Variants in SPAG16 observed in about 807,000 individuals in gnomAD.
SPAG16 encodes the protein sperm associated antigen 16.
SPAG16 carries 86 observed loss-of-function variants against 80.4 expected under a neutral mutation model. The observed-to-expected ratio is 1.07, with a 90% CI of 0.90 to 1.28. SPAG16 has a LOEUF of 1.28. SPAG16 is among the 50% of genes most tolerant of loss of function. The probability of loss-of-function intolerance (pLI) is 0.00; values close to 1 mark genes in which losing one functional copy is unlikely to be tolerated. For synonymous variants in SPAG16, 294 were observed against 265.9 expected, an observed-to-expected ratio of 1.11 and a Z score of -1.03; for missense variants, 870 against 765.3, an observed-to-expected ratio of 1.14 and a Z score of -1.61.
At chr2:214,002,715 G>A (rs1354826430) in intron 12 of SPAG16, among the ~76,000 whole-genome samples, 5 of 152,156 alleles carry the variant, frequency 3.3e-5, no homozygotes, top group African/African-American at 1.2e-4. Context: ...TCTGATATCC[G>A]ACAGCAGGAG....
intron 12 of SPAG16, among the ~76,000 whole-genome samples, chr2:213,967,217 T>C (rs1449556240): frequency 6.6e-6 from 1 of 152,230 alleles, no homozygotes; most frequent in Non-Finnish European, 1.5e-5. Context: ...CCTACCACTA[T>C]TTCACCTTAA....
chr2:213,851,924 A>G (rs1244675176), intron 10 of SPAG16, among the ~76,000 whole-genome samples: 1 of 152,244 alleles, frequency 6.6e-6, no homozygotes, highest in Non-Finnish European at 1.5e-5. Context: ...AAGAAAACCT[A>G]TAATTTCACA....
chr2:213,632,085 TA>T (rs2062177853), intron 10 of SPAG16, among the ~76,000 whole-genome samples: 2 of 152,192 alleles, frequency 1.3e-5, no homozygotes, highest in African/African-American at 4.8e-5. Context: ...ATTGACATTT[TA>T]AAAATACTGA....
chr2:214,033,410 T>G (rs4672703), intron 13 of SPAG16, among the ~76,000 whole-genome samples: 43,801 of 152,122 alleles, frequency 0.29, 6,756 homozygotes, highest in Non-Finnish European at 0.33. Context: ...TCTGATTATA[T>G]TTTCGAAGAA....
intron 10 of SPAG16, among the ~76,000 whole-genome samples, chr2:213,651,649 C>G (rs752261522): frequency 6.6e-6 from 1 of 151,958 alleles, no homozygotes; most frequent in South Asian, 2.1e-4. Context: ...AAATTGCACA[C>G]GAAAATGTCT....
intron 10 of SPAG16, among the ~76,000 whole-genome samples, chr2:213,620,356 G>A (rs1197385271): frequency 3.1e-5 from 4 of 127,626 alleles, no homozygotes; most frequent in Non-Finnish European, 6.3e-5. Context: ...GCAGTGGCAC[G>A]ATCTCCGCTC....
chr2:214,039,040 T>C (rs1232665319), intron 13 of SPAG16, among the ~76,000 whole-genome samples: 2 of 152,180 alleles, frequency 1.3e-5, no homozygotes, highest in African/African-American at 2.4e-5. Flanking sequence ...TGATTTATAA[T>C]CCTTTGGGTA....
At chr2:213,786,234 G>T (rs1261716746) in intron 10 of SPAG16, among the ~76,000 whole-genome samples, 1 of 151,938 alleles carries the variant, frequency 6.6e-6, no homozygotes, top group Admixed American at 6.6e-5. Context: ...TAACATTTGC[G>T]CTTCTGTCGT....
At chr2:213,667,319 A>C (rs1358516339) in intron 10 of SPAG16, among the ~76,000 whole-genome samples, 1 of 152,196 alleles carries the variant, frequency 6.6e-6, no homozygotes, top group Non-Finnish European at 1.5e-5. Flanking sequence ...GTTCCATAGA[A>C]ACAGAGCTAC....
intron 12 of SPAG16, among the ~76,000 whole-genome samples, chr2:213,979,126 A>C (rs921161322): frequency 6.6e-6 from 1 of 152,054 alleles, no homozygotes. Context: ...AATCTGGTAC[A>C]ATGTAGACAG....
At chr2:213,789,669 T>C (rs1268746591) in intron 10 of SPAG16, among the ~76,000 whole-genome samples, 1 of 151,932 alleles carries the variant, frequency 6.6e-6, no homozygotes, top group African/African-American at 2.4e-5. Flanking sequence ...GTTATTTTTG[T>C]TGCAAAGGAA....
chr2:213,720,314 A>G (rs2066457119), intron 10 of SPAG16, among the ~76,000 whole-genome samples: 1 of 151,936 alleles, frequency 6.6e-6, no homozygotes, highest in Admixed American at 6.6e-5. Context: ...CTGCACATGT[A>G]TCCCAGAACT....
intron 4 of SPAG16, among the ~76,000 whole-genome samples, chr2:213,316,601 T>C (rs779224843): frequency 3.9e-5 from 6 of 152,040 alleles, no homozygotes; most frequent in Non-Finnish European, 5.9e-5. Flanking sequence ...GGTCACTTAG[T>C]TGGCTTCAGT....
chr2:213,337,803 A>C, intron 5 of SPAG16, among the ~76,000 whole-genome samples: 1 of 149,164 alleles, frequency 6.7e-6, no homozygotes, highest in Non-Finnish European at 1.5e-5. Context: ...AACACACTTC[A>C]GGATATCATC....
chr2:213,678,435 A>G (rs905165200), intron 10 of SPAG16, among the ~76,000 whole-genome samples: 6 of 152,202 alleles, frequency 3.9e-5, no homozygotes, highest in Non-Finnish European at 7.3e-5. Context: ...GATAAAGGGG[A>G]TATCACCACC....
At chr2:214,160,733 C>T (rs368501882) in intron 15 of SPAG16, among the ~76,000 whole-genome samples, 1 of 152,096 alleles carries the variant, frequency 6.6e-6, no homozygotes, top group East Asian at 1.9e-4. Context: ...GCTATGCATT[C>T]CATTCAATTT....
intron 9 of SPAG16, among the ~76,000 whole-genome samples, chr2:213,446,097 T>A (rs1353954562): frequency 1.3e-5 from 2 of 152,120 alleles, no homozygotes; most frequent in Non-Finnish European, 2.9e-5. Context: ...AAAGGCCGAT[T>A]CCAAAGACAG....
chr2:214,232,590 G>C (rs1055583280), intron 15 of SPAG16, among the ~76,000 whole-genome samples: 7 of 151,846 alleles, frequency 4.6e-5, no homozygotes, highest in Non-Finnish European at 5.9e-5. Context: ...AAGGAGTCGG[G>C]GGGGGCTCAG....
chr2:213,335,836 G>A (rs963480504), intron 5 of SPAG16, among the ~76,000 whole-genome samples: 2 of 152,014 alleles, frequency 1.3e-5, no homozygotes, highest in Non-Finnish European at 2.9e-5. Flanking sequence ...TAAAATAACA[G>A]TAGAGGTCAT....
Sources: allele counts gnomAD v4.1 joint callset (sites outside exome capture counted in the v4.1 genomes callset), GRCh38; gene constraint gnomAD v4.1.1; transcripts MANE v1.5; gene names NCBI Gene and HGNC (gene_info 2026-07-23, HGNC 2026-07-21).